Variants in CHST8 observed in about 807,000 individuals in gnomAD.
The protein encoded by CHST8 is GALNAC-4-ST1.
Under a neutral mutation model 15.0 loss-of-function variants are expected in CHST8, and 10 were observed. The observed-to-expected ratio is 0.67, with a 90% CI of 0.41 to 1.13. CHST8 has a LOEUF of 1.13. Ranked by LOEUF, CHST8 falls within the 50% of genes most tolerant of loss-of-function variation. The pLI is 0.00. For synonymous variants in CHST8, 259 were observed against 256.6 expected (o/e 1.01, Z -0.09); for missense variants, 634 against 608.2 (o/e 1.04, Z -0.45).
intron 1 of CHST8, among the ~76,000 whole-genome samples, chr19:33,644,240 AT>A (rs1322965360): frequency 2.6e-5 from 4 of 152,106 alleles, no homozygotes; most frequent in African/African-American, 9.7e-5. Flanking sequence ...GATTTACTGT[AT>A]TTATTATTAT....
At chr19:33,679,371 G>A (rs77834236) in intron 2 of CHST8, among the ~76,000 whole-genome samples, 2,191 of 152,294 alleles carry the variant, frequency 0.014, 42 homozygotes, top group African/African-American at 0.048. Flanking sequence ...AGCTCAGGTG[G>A]GGAGAGATGC....
At chr19:33,623,678 C>G (rs1025158847) in intron 1 of CHST8, among the ~76,000 whole-genome samples, 1 of 152,166 alleles carries the variant, frequency 6.6e-6, no homozygotes, top group African/African-American at 2.4e-5. Flanking sequence ...ACAGGGCACC[C>G]GTGGAGCAGG....
intron 1 of CHST8, among the ~76,000 whole-genome samples, chr19:33,662,792 C>T (rs1972604050): frequency 6.6e-6 from 1 of 152,216 alleles, no homozygotes; most frequent in African/African-American, 2.4e-5. Flanking sequence ...TGCTGCACTG[C>T]TCCCAGTGGG....
chr19:33,686,953 G>A (rs760849395), intron 2 of CHST8, among the ~76,000 whole-genome samples: 14 of 152,242 alleles, frequency 9.2e-5, no homozygotes, highest in Non-Finnish European at 1.9e-4. Context: ...AGCTGCTCCC[G>A]AGAGACCTTG....
chr19:33,714,859 A>G (rs578014050), intron 3 of CHST8, among the ~76,000 whole-genome samples: 3 of 152,356 alleles, frequency 2.0e-5, no homozygotes, highest in African/African-American at 7.2e-5. Context: ...CTCCCCAGCC[A>G]CATGGAACTG....
At chr19:33,652,372 C>CTTTTTTT (rs971053736) in intron 1 of CHST8, among the ~76,000 whole-genome samples, 8 of 100,608 alleles carry the variant, frequency 8.0e-5, no homozygotes, top group Admixed American at 2.5e-4. Context: ...TTTTCTCTCT[C>CTTTTTTT]TTTTTTTTTT....
At chr19:33,644,241 T>A (rs1972320878) in intron 1 of CHST8, among the ~76,000 whole-genome samples, 1 of 152,136 alleles carries the variant, frequency 6.6e-6, no homozygotes, top group South Asian at 2.1e-4. Context: ...ATTTACTGTA[T>A]TTATTATTAT....
chr19:33,661,460 G>A (rs1972583691), intron 1 of CHST8, among the ~76,000 whole-genome samples: 1 of 152,174 alleles, frequency 6.6e-6, no homozygotes, highest in African/African-American at 2.4e-5. Context: ...CACCTTTATG[G>A]GGGTAACTTC....
intron 3 of CHST8, among the ~76,000 whole-genome samples, chr19:33,747,680 G>A (rs1296704919): frequency 3.9e-5 from 6 of 152,146 alleles, no homozygotes; most frequent in Non-Finnish European, 5.9e-5. Flanking sequence ...AAGAGGGAGC[G>A]TCAATGATAT....
chr19:33,646,181 A>G (rs1228853310), intron 1 of CHST8, among the ~76,000 whole-genome samples: 1 of 152,126 alleles, frequency 6.6e-6, no homozygotes, highest in East Asian at 1.9e-4. Context: ...TAGTTGGGAG[A>G]TAAATTCTTA....
chr19:33,683,785 G>A (rs1972929729), intron 2 of CHST8, among the ~76,000 whole-genome samples: 1 of 152,218 alleles, frequency 6.6e-6, no homozygotes, highest in South Asian at 2.1e-4. Context: ...TCAGAGGCAG[G>A]TGGCAAATGC....
chr19:33,700,947 G>A (rs1018288214), intron 3 of CHST8, among the ~76,000 whole-genome samples: 3 of 152,234 alleles, frequency 2.0e-5, no homozygotes, highest in African/African-American at 4.8e-5. Flanking sequence ...GATTGCCCAA[G>A]TGCCAGAAAT....
intron 3 of CHST8, among the ~76,000 whole-genome samples, chr19:33,704,638 A>G (rs1568335729): frequency 1.3e-5 from 2 of 152,198 alleles, no homozygotes; most frequent in East Asian, 1.9e-4. Flanking sequence ...GGCCAGGTGC[A>G]GTGGCTCACA....
chr19:33,698,020 G>A (rs1321436206), intron 3 of CHST8, among the ~76,000 whole-genome samples: 1 of 152,184 alleles, frequency 6.6e-6, no homozygotes, highest in Non-Finnish European at 1.5e-5. Context: ...GCTCATGCCT[G>A]TAATTCCAAC....
chr19:33,768,105 C>A (rs1974888864), intron 3 of CHST8, among the ~76,000 whole-genome samples: 1 of 152,172 alleles, frequency 6.6e-6, no homozygotes, highest in Admixed American at 6.5e-5. Context: ...ACCCCTGCCC[C>A]AGGATACCTA....
chr19:33,760,604 C>T (rs558084120), intron 3 of CHST8, among the ~76,000 whole-genome samples: 6 of 152,136 alleles, frequency 3.9e-5, no homozygotes, highest in South Asian at 2.1e-4. Context: ...AAGGTGTAAA[C>T]CACTGTACCT....
chr19:33,742,040 G>A (rs1974203605), intron 3 of CHST8, among the ~76,000 whole-genome samples: 2 of 152,048 alleles, frequency 1.3e-5, no homozygotes, highest in Non-Finnish European at 2.9e-5. Context: ...GTTCTCAGGG[G>A]CTAAGACCCC....
chr19:33,696,464 T>C (rs1973219819), intron 3 of CHST8, among the ~76,000 whole-genome samples: 2 of 152,092 alleles, frequency 1.3e-5, no homozygotes, highest in Non-Finnish European at 2.9e-5. Context: ...GAACTGCATA[T>C]ACAAGGGATC....
In CHST8 at chr19:33,668,245, T is replaced by A. The variant is rs1972688390; in HGVS notation, c.-87+402T>A. On this transcript the variant is annotated intron_variant, in intron 2 of 4. Transcript: ENST00000650847. ...GGGAATTAACTAAATTGCATCTGTG[T>A]GATTGTTGCCAGGGGGTGGAGGCTT... Among the ~76,000 whole-genome samples, 3 of 152,292 alleles carry A rather than the reference T, an allele frequency of 2.0e-5. No individual in the cohort carries two copies. The South Asian group carries it at 6.2e-4, about 32-fold the overall frequency.
Sources: allele counts gnomAD v4.1 joint callset (sites outside exome capture counted in the v4.1 genomes callset), GRCh38; gene constraint gnomAD v4.1.1; transcripts MANE v1.5; gene names NCBI Gene and HGNC (gene_info 2026-07-23, HGNC 2026-07-21).